Variants in PARD3 observed in about 807,000 individuals in gnomAD.
PARD3 encodes par-3 family cell polarity regulator.
Under a neutral mutation model 155.4 loss-of-function variants are expected in PARD3, and 75 were observed. The observed-to-expected ratio is 0.48, with a 90% CI of 0.40 to 0.58. The LOEUF is 0.58. Among genes scored for constraint, PARD3 ranks in the 20% least tolerant of loss-of-function variants. The pLI is 0.00. For missense variants in PARD3, 1,642 were observed against 1,721.7 expected (o/e 0.95, Z 0.82); for synonymous variants, 576 against 610.5 (o/e 0.94, Z 0.83).
intron 14 of PARD3, among the ~76,000 whole-genome samples, chr10:34,356,158 C>G (rs1465967956): frequency 6.6e-6 from 1 of 152,000 alleles, no homozygotes; most frequent in Non-Finnish European, 1.5e-5. Context: ...AGAAATAGCT[C>G]CCAGAGAATG....
chr10:34,550,088 C>T (rs546173532), intron 2 of PARD3, among the ~76,000 whole-genome samples: 7 of 152,300 alleles, frequency 4.6e-5, no homozygotes, highest in Admixed American at 1.3e-4. Flanking sequence ...AGGTGAATCA[C>T]GGTCCACTGG....
intron 22 of PARD3, among the ~76,000 whole-genome samples, chr10:34,132,571 G>C (rs1375570298): frequency 1.3e-5 from 2 of 152,148 alleles, no homozygotes; most frequent in East Asian, 3.9e-4. Context: ...AAGAGTAATA[G>C]AGATTGATGA....
chr10:34,198,488 AT>A (rs1163975187), intron 22 of PARD3, among the ~76,000 whole-genome samples: 1 of 125,290 alleles, frequency 8.0e-6, no homozygotes, highest in Non-Finnish European at 1.7e-5. Context: ...GTGTGTGTGT[AT>A]GTGTGTGTGT....
At chr10:34,225,350 T>C (rs866550277) in intron 22 of PARD3, among the ~76,000 whole-genome samples, 2 of 124,444 alleles carry the variant, frequency 1.6e-5, no homozygotes, top group African/African-American at 8.8e-5. Context: ...TTTTTTTCTC[T>C]TTTTTTTTTT....
intron 1 of PARD3, among the ~76,000 whole-genome samples, chr10:34,702,469 G>C (rs1377525638): frequency 6.6e-6 from 1 of 152,186 alleles, no homozygotes; most frequent in Non-Finnish European, 1.5e-5. Flanking sequence ...AATGCTTCCA[G>C]AGAGCACAGT....
At position 34,534,839 on chromosome 10, in the gene PARD3, T is replaced by C. The variant is rs1431372567; in HGVS notation, c.223-17680A>G. ...TAGCCTGGCCAACATGGCAAAACCA[T>C]GTCTCTACTAAAAAATACAAAAATT... On this transcript the variant is annotated intron_variant, in intron 2 of 24. Transcript: ENST00000374788. Among the ~76,000 whole-genome samples, 6 of 152,238 alleles carry C rather than the reference T, an allele frequency of 3.9e-5. No individual in the cohort carries two copies. The East Asian group carries it at 1.2e-3, about 29-fold the overall frequency.
intron 22 of PARD3, among the ~76,000 whole-genome samples, chr10:34,134,186 C>T (rs1056996162): frequency 1.3e-4 from 20 of 152,120 alleles, no homozygotes; most frequent in Non-Finnish European, 2.1e-4. Flanking sequence ...TATGTGAAAC[C>T]GTAATGGTGT....
intron 1 of PARD3, among the ~76,000 whole-genome samples, chr10:34,723,003 T>C (rs989044908): frequency 2.6e-5 from 4 of 152,084 alleles, no homozygotes; most frequent in African/African-American, 4.8e-5. Context: ...CTCTTAACAA[T>C]TGTAGTATAT....
chr10:34,192,064 C>A (rs1297706961), intron 22 of PARD3, among the ~76,000 whole-genome samples: 1 of 151,912 alleles, frequency 6.6e-6, no homozygotes, highest in Non-Finnish European at 1.5e-5. Flanking sequence ...CTAGCAAAAA[C>A]CACTTTCCTG....
At chr10:34,412,382 C>T (rs1182154729) in intron 5 of PARD3, among the ~76,000 whole-genome samples, 1 of 152,140 alleles carries the variant, frequency 6.6e-6, no homozygotes, top group Admixed American at 6.5e-5. Flanking sequence ...GCGATGTACT[C>T]TCTTCATTCC....
chr10:34,419,735 T>A (rs1328591375), intron 5 of PARD3, among the ~76,000 whole-genome samples: 1 of 152,188 alleles, frequency 6.6e-6, no homozygotes, highest in African/African-American at 2.4e-5. Context: ...ACATTTCTAT[T>A]CCAACTCTCC....
At chr10:34,286,657 A>G (rs1956407545) in intron 20 of PARD3, among the ~76,000 whole-genome samples, 1 of 152,218 alleles carries the variant, frequency 6.6e-6, no homozygotes. Flanking sequence ...GCAGCAGGAA[A>G]TGAAGAAGAG....
chr10:34,418,548 C>A (rs909061638), intron 5 of PARD3, among the ~76,000 whole-genome samples: 11 of 152,176 alleles, frequency 7.2e-5, no homozygotes, highest in African/African-American at 2.4e-4. Flanking sequence ...AAGCCTTAAT[C>A]TTTTATCTCA....
At chr10:34,300,573 A>T (rs1364800685) in intron 20 of PARD3, among the ~76,000 whole-genome samples, 2 of 151,962 alleles carry the variant, frequency 1.3e-5, no homozygotes, top group Admixed American at 1.3e-4. Context: ...GCAGTGAGCC[A>T]TGCTTGCTCT....
chr10:34,707,149 G>A (rs980550549), intron 1 of PARD3, among the ~76,000 whole-genome samples: 3 of 151,934 alleles, frequency 2.0e-5, no homozygotes, highest in African/African-American at 4.8e-5. Context: ...GGGAAGCTGA[G>A]GTGGGATGAT....
In PARD3 at chr10:34,445,544, C is replaced by T. The variant is rs1564722277; in HGVS notation, c.714+4773G>A. On this transcript the variant is annotated intron_variant, in intron 5 of 24. Coordinates refer to ENST00000374788, the MANE Select transcript of PARD3 (RefSeq NM_001184785.2). ...TCTCAGTCCACATAGACAACTAACTCAAATAACTTCAACAGAAGCAAATCA... is the reference window on the plus strand; with the variant it reads ...TCTCAGTCCACATAGACAACTAACTTAAATAACTTCAACAGAAGCAAATCA... 3.3e-5 allele frequency among the ~76,000 whole-genome samples: 5 copies of T among 152,128 alleles called. No individual in the cohort carries two copies. The South Asian group carries it at 8.3e-4, about 25-fold the overall frequency.
chr10:34,609,305 C>T (rs1002900922), intron 2 of PARD3, among the ~76,000 whole-genome samples: 1 of 152,052 alleles, frequency 6.6e-6, no homozygotes, highest in Non-Finnish European at 1.5e-5. Context: ...CAAAAGCAGG[C>T]CAAAATTATC....
intron 1 of PARD3, among the ~76,000 whole-genome samples, chr10:34,749,711 G>A (rs1008567282): frequency 6.6e-6 from 1 of 152,078 alleles, no homozygotes; most frequent in Admixed American, 6.6e-5. Context: ...CTTGAAAGAT[G>A]TCAGTTCCCT....
intron 1 of PARD3, among the ~76,000 whole-genome samples, chr10:34,767,053 A>G (rs1379200129): frequency 6.6e-6 from 1 of 152,166 alleles, no homozygotes; most frequent in East Asian, 1.9e-4. Flanking sequence ...ATTCATAAAG[A>G]TGGCCTGAGA....
Sources: allele counts gnomAD v4.1 joint callset (sites outside exome capture counted in the v4.1 genomes callset), GRCh38; gene constraint gnomAD v4.1.1; transcripts MANE v1.5; gene names NCBI Gene and HGNC (gene_info 2026-07-23, HGNC 2026-07-21).